Variants in TMEM63C observed in about 807,000 individuals in gnomAD.
The protein encoded by TMEM63C is osmosensitive cation channel TMEM63C.
A neutral mutation model predicts 99.2 loss-of-function variants in TMEM63C; 32 were observed. The ratio of observed to expected loss-of-function variants is 0.32; its 90% CI spans 0.24 to 0.43. The LOEUF (loss-of-function observed/expected upper bound fraction) is 0.43, where lower values mean the gene tolerates loss of function less well. TMEM63C is among the 20% of genes least tolerant of loss of function. The pLI, the probability that TMEM63C is intolerant of heterozygous loss-of-function variation, is 1.00. For synonymous variants in TMEM63C, 376 were observed against 397.9 expected, an observed-to-expected ratio of 0.94 and a Z score of 0.66; for missense variants, 826 against 1,053.0, an observed-to-expected ratio of 0.78 and a Z score of 2.98.
intron 6 of TMEM63C, among the ~76,000 whole-genome samples, chr14:77,229,070 T>G (rs1337387851): frequency 6.6e-6 from 1 of 152,182 alleles, no homozygotes; most frequent in East Asian, 1.9e-4. Flanking sequence ...CATCAAATGC[T>G]TTTTATAACT....
Position 77,240,614 on chromosome 14 carries a change from C to T in TMEM63C, c.1064+6C>T. ...GACTCCAGGATGGCCAAGCGGTGAG[C>T]ACCAGGCAGGCGCCCCACCCAGCCC... On this transcript the variant is annotated splice_donor_region_variant and intron_variant, in intron 13 of 23. Transcript: ENST00000298351. 1.2e-6 allele frequency: 2 copies of T among 1,607,388 alleles called. No homozygotes were observed. The highest frequency in any genetic ancestry group is 1.7e-6 in the Non-Finnish European group (2 of 1,179,700).
At chr14:77,223,202 AT>A (rs35920163) in intron 5 of TMEM63C, among the ~76,000 whole-genome samples, 50,325 of 151,054 alleles carry the variant, frequency 0.33, 9,158 homozygotes, top group African/African-American at 0.5. Context: ...TATCACTTTG[AT>A]TTTTTTTTTC....
intron 1 of TMEM63C, among the ~76,000 whole-genome samples, chr14:77,203,382 G>GAA (rs10554283): frequency 8.1e-6 from 1 of 123,196 alleles, no homozygotes; most frequent in African/African-American, 3.1e-5. Flanking sequence ...ACTCCATCTT[G>GAA]AAAAAAAAAA....
chr14:77,217,025 C>T (rs1888597859), intron 2 of TMEM63C, among the ~76,000 whole-genome samples: 1 of 152,074 alleles, frequency 6.6e-6, no homozygotes, highest in Non-Finnish European at 1.5e-5. Flanking sequence ...AAGAATTAGC[C>T]TGGTGTGGTG....
intron 1 of TMEM63C, among the ~76,000 whole-genome samples, chr14:77,198,426 A>G (rs1888245244): frequency 6.6e-6 from 1 of 152,240 alleles, no homozygotes; most frequent in Non-Finnish European, 1.5e-5. Context: ...CCTTGGCCAC[A>G]TCAATGAACT....
At chr14:77,250,987 G>A (rs900321239) in intron 21 of TMEM63C, among the ~76,000 whole-genome samples, 2 of 152,332 alleles carry the variant, frequency 1.3e-5, no homozygotes, top group Middle Eastern at 3.4e-3. Context: ...CTTTGGGCAT[G>A]GGAACATTGA....
chr14:77,197,824 T>C (rs1264418147), intron 1 of TMEM63C, among the ~76,000 whole-genome samples: 1 of 152,184 alleles, frequency 6.6e-6, no homozygotes, highest in African/African-American at 2.4e-5. Flanking sequence ...GAATCAGTAA[T>C]GTTTGTTGGG....
At chr14:77,212,586 T>C (rs753468286) in intron 1 of TMEM63C, among the ~76,000 whole-genome samples, 2 of 152,122 alleles carry the variant, frequency 1.3e-5, no homozygotes, top group Non-Finnish European at 2.9e-5. Context: ...GAGCTAGCTC[T>C]CCCTCCAGAA....
chr14:77,219,971 C>T (rs1297859035), intron 4 of TMEM63C, 35 bp from the exon 5 acceptor site: 4 of 1,547,836 alleles, frequency 2.6e-6, no homozygotes, highest in African/African-American at 2.7e-5. Flanking sequence ...CTTTTCTCTC[C>T]TTTCTTACCT....
chr14:77,234,558 C>A (rs1365752638), intron 8 of TMEM63C, among the ~76,000 whole-genome samples: 1 of 152,194 alleles, frequency 6.6e-6, no homozygotes, highest in Non-Finnish European at 1.5e-5. Context: ...GTAGCCTTGC[C>A]CTTCTGTGGA....
At chr14:77,209,647 G>A (rs896269354) in intron 1 of TMEM63C, among the ~76,000 whole-genome samples, 2 of 152,190 alleles carry the variant, frequency 1.3e-5, no homozygotes, top group Non-Finnish European at 2.9e-5. Context: ...TTCAGACAGG[G>A]CTGGTAATCT....
chr14:77,227,812 G>A (rs370179868), intron 6 of TMEM63C, among the ~76,000 whole-genome samples: 63 of 152,278 alleles, frequency 4.1e-4, no homozygotes, highest in African/African-American at 1.1e-3. Flanking sequence ...AGGGCAGGCC[G>A]AGGATAGGAT....
intron 1 of TMEM63C, among the ~76,000 whole-genome samples, chr14:77,209,288 T>G (rs1348466564): frequency 1.3e-5 from 2 of 152,140 alleles, no homozygotes; most frequent in African/African-American, 2.4e-5. Flanking sequence ...CTCCACTCCC[T>G]GCAGCGACTG....
At chr14:77,225,520 G>T (rs867668036) in intron 6 of TMEM63C, 59 bp downstream of exon 6, 4 of 1,589,970 alleles carry the variant, frequency 2.5e-6, no homozygotes, top group East Asian at 4.5e-5. Flanking sequence ...GGGGGTGGAG[G>T]CTCCTGGAAA....
chr14:77,257,042 G>A lies in TMEM63C; in HGVS notation c.*316G>A. ...TGGGGTCCCTTCCTGGGACCAAGAT[G>A]GAGAAGGTGTTCCTAAGGGAGGAGA... On this transcript the variant is annotated 3_prime_UTR_variant, in exon 24 of 24. Transcript: ENST00000298351. 1 of 309,434 alleles carries A rather than the reference G, an allele frequency of 3.2e-6. No individual in the cohort carries two copies. The highest frequency in any genetic ancestry group is 6.6e-5 in the East Asian group (1 of 15,256). 19.2% of individuals were successfully genotyped at this position (309,434 alleles called of 1,614,324 possible).
chr14:77,203,857 G>C (rs180914064), intron 1 of TMEM63C, among the ~76,000 whole-genome samples: 1 of 152,382 alleles, frequency 6.6e-6, no homozygotes, highest in East Asian at 1.9e-4. Context: ...GGCTGCTCCT[G>C]CTGGTAGGCA....
At position 77,219,583 on chromosome 14, in the gene TMEM63C, G is replaced by A. The variant is rs780837028; in HGVS notation, c.230+6G>A. On this transcript the variant is annotated splice_donor_region_variant and intron_variant, in intron 4 of 23. Transcript: ENST00000298351. ...CTGCTGATACACAATGACAGGTGAGGAGGGGTCGAGATGGGTGAGCCGTTG... is the reference window on the plus strand; with the variant it reads ...CTGCTGATACACAATGACAGGTGAGAAGGGGTCGAGATGGGTGAGCCGTTG... 5.0e-6 allele frequency: 8 copies of A among 1,613,908 alleles called. No individual in the cohort carries two copies. Among genetic ancestry groups the A allele is most frequent in the Non-Finnish European group, 5.9e-6 (7 of 1,179,866 alleles).
chr14:77,187,125 G>A (rs984297408), intron 1 of TMEM63C, among the ~76,000 whole-genome samples: 15 of 152,178 alleles, frequency 9.9e-5, no homozygotes, highest in Non-Finnish European at 2.1e-4. Flanking sequence ...TGGCTTGAGA[G>A]GTTGTGACAG....
chr14:77,225,356 G>A, intron 5 of TMEM63C, 68 bp from the exon 6 acceptor site: 1 of 1,523,058 alleles, frequency 6.6e-7, no homozygotes, highest in Non-Finnish European at 8.9e-7. Context: ...TGGCCGCCTG[G>A]GTTCCCAGAG....
Sources: gnomAD v4.1 joint callset for allele counts (sites outside exome capture counted in the v4.1 genomes callset) on GRCh38, gnomAD v4.1.1 for gene constraint, MANE v1.5 for transcripts, NCBI Gene and HGNC (gene_info 2026-07-23, HGNC 2026-07-21) for gene names.